The following ZNF335 variants were observed in gnomAD, a reference collection of about 807,000 sequenced individuals.
ZNF335 encodes NRC-interacting factor 1.
ZNF335 carries 84 observed loss-of-function variants against 145.6 expected under a neutral mutation model. That is an observed-to-expected ratio of 0.58 (90% CI 0.48 to 0.69). ZNF335 has a LOEUF of 0.69. Ranked by LOEUF, ZNF335 falls within the 30% of genes least tolerant of loss-of-function variation. ZNF335 has a pLI of 0.00. For synonymous variants in ZNF335, 761 were observed against 717.0 expected (o/e 1.06, Z -0.98); for missense variants, 1,865 against 1,809.7 (o/e 1.03, Z -0.55).
In ZNF335 at chr20:45,969,608, T is replaced by C. The variant is rs972799051; in HGVS notation, c.285A>G (p.Pro95=). The C allele has an allele frequency of 1.9e-6, 3 of 1,609,030 alleles. No individual in the cohort carries two copies. The highest frequency in any genetic ancestry group is 1.7e-5 in the Admixed American group (1 of 59,876). Residue 95 remains proline (P), a synonymous_variant, in exon 3 of 28, where the codon CCA becomes CCG. Transcript: ENST00000322927. ...GGGGACCGCCTGTCACCCCTGCCACTGGCCCATGAGACACAGACGATGAAT... is the reference window on the plus strand; with the variant it reads ...GGGGACCGCCTGTCACCCCTGCCACCGGCCCATGAGACACAGACGATGAAT... ...LPDSSSVSHG[P]VAGVTGGPPA...
rs199704102 is a variant in ZNF335, at chr20:45,957,614, T to G, written c.2414A>C (p.Gln805Pro). 1 of 1,614,056 alleles carries G rather than the reference T, an allele frequency of 6.2e-7. No individual in the cohort carries two copies. Among genetic ancestry groups the G allele is most frequent in the Non-Finnish European group, 8.5e-7 (1 of 1,180,042 alleles). The change falls in exon 17 of 28, where the codon CAG becomes CCG. Residue 805 changes from glutamine (Q) to proline (P), a missense_variant. Transcript: ENST00000322927. ...CAGGGCTGTGCCCCCCAGTTCCCGC[T>G]GAGCACTCATGTTCAGCAGAAGATC... is the stretch of plus-strand genomic sequence containing the variant. ...ALDLLLNMSA[Q>P]RELGGTALQV...
intron 2 of ZNF335, 94 bp downstream of exon 2, chr20:45,971,116 T>A: frequency 7.0e-7 from 1 of 1,435,190 alleles, no homozygotes; most frequent in Non-Finnish European, 9.1e-7. Flanking sequence ...AAACACCAAG[T>A]ATTAGCTACA....
At position 45,953,776 on chromosome 20, in the gene ZNF335, G is replaced by C; in HGVS notation, c.2615C>G (p.Ala872Gly). Residue 872 changes from alanine (A) to glycine (G), a missense_variant, in exon 18 of 28, where the codon GCA (alanine) becomes GGA (glycine). By Grantham distance (60) the Ala-to-Gly change is moderately conservative (BLOSUM62 0). Transcript: ENST00000322927. ...GCCAGTCCCACCAAATGGACCAGGTGCCAGGGTGATCTGCGGTAGGTCAGG... is the reference window on the plus strand; with the variant it reads ...GCCAGTCCCACCAAATGGACCAGGTCCCAGGGTGATCTGCGGTAGGTCAGG... ...GPPDLPQITLAPGPFGGTGYS... is the reference protein window; with the variant it reads ...GPPDLPQITLGPGPFGGTGYS... The C allele has an allele frequency of 1.2e-6, 2 of 1,614,198 alleles. No homozygotes were observed. Among genetic ancestry groups the C allele is most frequent in the South Asian group, 1.1e-5 (1 of 91,088 alleles).
chr20:45,962,563 G>A lies in ZNF335; in HGVS notation c.1534-381C>T, dbSNP rs114361561. ...CCCACATAACAGCCCACAGCACAGC[G>A]TGCACAGAGCACAGGGGCTCGCTCT... On this transcript the variant is annotated intron_variant, in intron 9 of 27. Coordinates refer to ENST00000322927, the MANE Select transcript of ZNF335 (RefSeq NM_022095.4). 3.7e-3 allele frequency among the ~76,000 whole-genome samples: 568 copies of A among 152,268 alleles called. 2 individuals are homozygous for A. The highest frequency in any genetic ancestry group is 0.013 in the African/African-American group (538 of 41,554).
In ZNF335 at chr20:45,972,157, G is replaced by A. The variant is rs2084085428; in HGVS notation, c.-86C>T. On this transcript the variant is annotated 5_prime_UTR_variant, in exon 1 of 28. Coordinates refer to ENST00000322927, the MANE Select transcript of ZNF335 (RefSeq NM_022095.4). The stretch of plus-strand genomic sequence containing the variant: ...CGTAGCCACGTTCCTCTCTGACTCC[G>A]GCATCGACGAGGTCGCCATCCTCTT... 1.6e-6 allele frequency: 2 copies of A among 1,289,170 alleles called. No homozygotes were observed. The highest frequency in any genetic ancestry group is 2.0e-6 in the Non-Finnish European group (2 of 988,660). 79.9% of individuals were successfully genotyped at this position (1,289,170 alleles called of 1,614,324 possible).
rs1326510533 is a variant in ZNF335, at chr20:45,952,351, T to A, written c.2985A>T (p.Ala995=). The A allele has an allele frequency of 6.2e-7, 1 of 1,612,564 alleles. No individual in the cohort carries two copies. The highest frequency in any genetic ancestry group is 1.7e-5 in the Admixed American group (1 of 59,896). ...DSQSSASSPP[A]TSKALGLAVP... ...CTGCCAGGCCCAGGGCTTTGCTGGT[T>A]GCAGGAGGTGAGGAGGCAGAGCTCT... The change falls in exon 20 of 28, where the codon GCA becomes GCT. Residue 995 remains alanine, a synonymous_variant. Coordinates refer to ENST00000322927, the MANE Select transcript of ZNF335 (RefSeq NM_022095.4).
chr20:45,959,886 C>G (rs1600533610), intron 14 of ZNF335, among the ~76,000 whole-genome samples: 1 of 152,186 alleles, frequency 6.6e-6, no homozygotes, highest in Admixed American at 6.5e-5. Flanking sequence ...CCAGCACACA[C>G]AAGGCTCAAG....
At chr20:45,950,958 T>A (rs377106897) in intron 20 of ZNF335, among the ~76,000 whole-genome samples, 2 of 152,086 alleles carry the variant, frequency 1.3e-5, no homozygotes, top group South Asian at 2.1e-4. Flanking sequence ...AATGGCGTGA[T>A]CTCGGCTCAC....
rs763316712 is a variant in ZNF335, at chr20:45,968,376, G to C, written c.443-14C>G. The C allele has an allele frequency of 7.5e-6, 12 of 1,606,392 alleles. No individual in the cohort carries two copies. The highest frequency in any genetic ancestry group is 1.0e-5 in the Non-Finnish European group (12 of 1,174,134). On this transcript the variant is annotated splice_polypyrimidine_tract_variant and intron_variant, in intron 3 of 27. Transcript: ENST00000322927. ...CAGTGATGCAGTCTGGGCAGAGATG[G>C]GGAAGGGTCACACCTCCTGGGGAGG...
chr20:45,953,608 A>G (rs2083672867), intron 18 of ZNF335, 81 bp downstream of exon 18: 1 of 1,565,456 alleles, frequency 6.4e-7, no homozygotes. Context: ...CCTGCCAACT[A>G]GGCTTGGGTG....
intron 24 of ZNF335, 27 bp downstream of exon 24, chr20:45,949,773 G>A (rs754104174): frequency 6.8e-6 from 11 of 1,613,108 alleles, no homozygotes; most frequent in Non-Finnish European, 9.3e-6. Flanking sequence ...TCACAGCTGA[G>A]GGGATTAACA....
Position 45,971,965 on chromosome 20 carries a change from G to A in ZNF335, c.-51+157C>T, listed in dbSNP as rs2084081379. 1.2e-5 allele frequency: 12 copies of A among 985,420 alleles called. No individual in the cohort carries two copies. The Admixed American group carries it at 5.5e-4, about 45-fold the overall frequency. 61.0% of individuals were successfully genotyped at this position (985,420 alleles called of 1,614,324 possible). Reference sequence around the variant, plus strand: ...CATCTTGTGGTGGCGCCGGGTTTCCGCTCAGGCAAGTGCGAGAGCGACTAA... The same window carrying A: ...CATCTTGTGGTGGCGCCGGGTTTCCACTCAGGCAAGTGCGAGAGCGACTAA... On this transcript the variant is annotated intron_variant, in intron 1 of 27. Coordinates refer to ENST00000322927, the MANE Select transcript of ZNF335 (RefSeq NM_022095.4).
chr20:45,960,572 C>G, intron 12 of ZNF335, 44 bp downstream of exon 12: 3 of 1,613,736 alleles, frequency 1.9e-6, no homozygotes, highest in Non-Finnish European at 2.5e-6. Flanking sequence ...CTCCATCACC[C>G]AGGGGAGGCC....
rs768623504 is a variant in ZNF335, at chr20:45,952,503, T to C, written c.2833A>G (p.Ile945Val). The change falls in exon 20 of 28, where the codon ATC becomes GTC. Residue 945 changes from isoleucine (I) to valine (V), a missense_variant. By Grantham distance (29) the Ile-to-Val change is conservative (BLOSUM62 3). Transcript: ENST00000322927. ...AGAGCATCTGGACTTGGGAAGGAGA[T>C]GGAGCCATCTGCGGTGAGCTGTAGA... is the stretch of plus-strand genomic sequence containing the variant. ...HHIELTADGS[I>V]SFPSPDALAS... 1 of 1,572,308 alleles carries C rather than the reference T, an allele frequency of 6.4e-7. No individual in the cohort carries two copies. The highest frequency in any genetic ancestry group is 1.3e-5 in the African/African-American group (1 of 74,236).
In ZNF335 at chr20:45,963,493, G is replaced by C; in HGVS notation, c.1513C>G (p.Arg505Gly). ...FKCLQCSYRS[R>G]RWSSLKEHMF... ...CGCACCTTGAGCGAGGACCAGCGGC[G>C]GGAACGATAGCTGCACTGCAGGCAC... Residue 505 changes from arginine (R) to glycine (G), a missense_variant, in exon 9 of 28, where the codon CGC becomes GGC. Coordinates refer to ENST00000322927, the MANE Select transcript of ZNF335 (RefSeq NM_022095.4). 1.2e-6 allele frequency: 2 copies of C among 1,612,628 alleles called. No individual in the cohort carries two copies. The highest frequency in any genetic ancestry group is 1.7e-6 in the Non-Finnish European group (2 of 1,178,834).
In ZNF335 at chr20:45,954,770, CTTTTTTT is replaced by C. The variant is rs10577924; in HGVS notation, c.2443-829_2443-823del. Among the ~76,000 whole-genome samples, 378 of 90,166 alleles carry C rather than the reference CTTTTTTT, an allele frequency of 4.2e-3. 1 individual carries two copies. Among genetic ancestry groups the C allele is most frequent in the African/African-American group, 0.015 (358 of 24,100 alleles). 59.2% of individuals were successfully genotyped at this position (90,166 alleles called of 152,430 possible). ...AACCTCATTTACGGTCATACAATTA[CTTTTTTT>C]TTTTTTTTTTTTTTTTGAGACTGGG... On this transcript the variant is annotated intron_variant, in intron 17 of 27. Coordinates refer to ENST00000322927, the MANE Select transcript of ZNF335 (RefSeq NM_022095.4).
Position 45,963,819 on chromosome 20 carries a change from G to C in ZNF335, c.1274C>G (p.Pro425Arg), listed in dbSNP as rs773711983. The C allele has an allele frequency of 4.3e-6, 7 of 1,614,120 alleles. No individual in the cohort carries two copies. In the South Asian group the frequency reaches 6.6e-5, roughly 15 times the overall value. The change falls in exon 8 of 28, where the codon CCC becomes CGC. Residue 425 changes from proline to arginine, a missense_variant. Transcript: ENST00000322927. ...VSQSDAENAA[P>R]SCPDEHDTLP... ...AGTGTCATGCTCATCCGGGCAGGAG[G>C]GGGCTGCGTTCTCTGCATCTGACTG...
chr20:45,958,012 T>A, intron 15 of ZNF335, 84 bp from the exon 16 acceptor site: 2 of 1,097,332 alleles, frequency 1.8e-6, no homozygotes, highest in African/African-American at 3.1e-5. Context: ...ATCTGCCAGA[T>A]GTTTTACATC....
At chr20:45,966,764 G>A (rs2083962408) in intron 6 of ZNF335, 1 of 151,258 alleles carries the variant, frequency 6.6e-6, no homozygotes, top group Admixed American at 6.6e-5. Context: ...TGTTGGCTAG[G>A]CTGGTCTCAA....
Sources: allele counts gnomAD v4.1 joint callset (sites outside exome capture counted in the v4.1 genomes callset), GRCh38; gene constraint gnomAD v4.1.1; transcripts MANE v1.5; gene names NCBI Gene and HGNC (gene_info 2026-07-23, HGNC 2026-07-21).